Variants in SLC4A7 observed in about 807,000 individuals in gnomAD.
SLC4A7 encodes solute carrier family 4 member 7, also known as sodium bicarbonate cotransporter 3.
In SLC4A7, 51 loss-of-function variants were observed where a neutral mutation model predicts 137.6. That is an observed-to-expected ratio of 0.37 (90% CI 0.30 to 0.47). The LOEUF is 0.47. SLC4A7 is among the 20% of genes least tolerant of loss of function. The pLI is 1.00. For synonymous variants in SLC4A7, 542 were observed against 518.6 expected (o/e 1.05, Z -0.61); for missense variants, 1,247 against 1,525.4 (o/e 0.82, Z 3.04).
intron 1 of SLC4A7, among the ~76,000 whole-genome samples, chr3:27,467,331 A>G (rs1212776262): frequency 6.6e-6 from 1 of 152,188 alleles, no homozygotes; most frequent in Non-Finnish European, 1.5e-5. Context: ...AACTACATAT[A>G]ATTTTACTTA....
intron 9 of SLC4A7, 66 bp downstream of exon 9, chr3:27,421,556 C>T (rs1384628538): frequency 1.2e-5 from 15 of 1,217,942 alleles, no homozygotes; most frequent in Admixed American, 6.5e-5. Flanking sequence ...CTTGTTCATT[C>T]GCTGGATTAA....
rs150594242 is a variant in SLC4A7, at chr3:27,386,957, A to G, written c.3361-934T>C. Among the ~76,000 whole-genome samples the G allele has an allele frequency of 2.6e-3, 402 of 152,306 alleles. 2 individuals are homozygous for G. Among genetic ancestry groups the G allele is most frequent in the African/African-American group, 9.4e-3 (391 of 41,578 alleles). ...GTCCAATACTAAATTCTCCCATACA[A>G]AAGAAATACTACCTTTAATGAAATA... On this transcript the variant is annotated intron_variant, in intron 22 of 25. Coordinates refer to ENST00000454389, the MANE Select transcript of SLC4A7 (RefSeq NM_001321103.2).
intron 3 of SLC4A7, among the ~76,000 whole-genome samples, chr3:27,446,877 TTTTTTTTGTTTTTTTTG>T (rs1156367736): frequency 2.2e-5 from 2 of 90,720 alleles, no homozygotes; most frequent in African/African-American, 4.0e-5. Flanking sequence ...TTTTTTTTGT[TTTTTTTTGTTTTTTTTG>T]TTTTTTTTAA....
Position 27,390,018 on chromosome 3 carries a change from G to A in SLC4A7, c.3273C>T (p.Val1091=), listed in dbSNP as rs370177639. 1.2e-6 allele frequency: 2 copies of A among 1,613,170 alleles called. No individual in the cohort carries two copies. Among genetic ancestry groups the A allele is most frequent in the Non-Finnish European group, 8.5e-7 (1 of 1,179,252 alleles). ...IYLRYVPLWK[V]HIFTVIQLTC... Reference sequence around the variant, plus strand: ...TAAGCTGAATGACTGTGAAAATATGGACCTTCCAGAGCGGCACATAACGGA... The same window carrying A: ...TAAGCTGAATGACTGTGAAAATATGAACCTTCCAGAGCGGCACATAACGGA... The change falls in exon 22 of 26, where the codon GTC becomes GTT. Residue 1091 remains valine, a synonymous_variant. Transcript: ENST00000454389.
intron 1 of SLC4A7, among the ~76,000 whole-genome samples, chr3:27,463,747 C>A (rs1440320129): frequency 6.6e-6 from 1 of 152,100 alleles, no homozygotes. Flanking sequence ...AGAGCCTGAC[C>A]CCTCCTGTTC....
chr3:27,438,070 G>A lies in SLC4A7; in HGVS notation c.290-544C>T, dbSNP rs188163511. Among the ~76,000 whole-genome samples the A allele has an allele frequency of 3.2e-3, 463 of 146,260 alleles. 5 individuals are homozygous for A. Among genetic ancestry groups the A allele is most frequent in the African/African-American group, 0.01 (398 of 39,514 alleles). Reference sequence around the variant, plus strand: ...AAATTAGCCAGGCATGGTGGTGGACGCCTGTAATCCCAAATACTCGGGAGG... The same window carrying A: ...AAATTAGCCAGGCATGGTGGTGGACACCTGTAATCCCAAATACTCGGGAGG... On this transcript the variant is annotated intron_variant, in intron 3 of 25. Transcript: ENST00000454389.
At chr3:27,408,545 G>C (rs866402780) in intron 13 of SLC4A7, among the ~76,000 whole-genome samples, 1 of 152,072 alleles carries the variant, frequency 6.6e-6, no homozygotes, top group Non-Finnish European at 1.5e-5. Context: ...TCATGCCTTA[G>C]CTTTGGTTAT....
chr3:27,445,617 T>C (rs564320255), intron 3 of SLC4A7, among the ~76,000 whole-genome samples: 4 of 151,670 alleles, frequency 2.6e-5, no homozygotes, highest in East Asian at 3.9e-4. Context: ...ATGATGACTA[T>C]AGTTAATAAT....
At position 27,404,890 on chromosome 3, in the gene SLC4A7, G is replaced by A. The variant is rs761205046; in HGVS notation, c.2015C>T (p.Thr672Ile). Reference sequence around the variant, plus strand: ...AACTGGACCTGTGCTCCCCAATATTGTTAGAGGTTGCCCAGCAAACAATGA... The same window carrying A: ...AACTGGACCTGTGCTCCCCAATATTATTAGAGGTTGCCCAGCAAACAATGA... ...AYSLFAGQPL[T>I]ILGSTGPVLV... is the part of the protein sequence containing the mutation. Residue 672 changes from threonine to isoleucine, a missense_variant, in exon 14 of 26, where the codon ACA becomes ATA. Coordinates refer to ENST00000454389, the MANE Select transcript of SLC4A7 (RefSeq NM_001321103.2). 2 of 1,610,720 alleles carry A rather than the reference G, an allele frequency of 1.2e-6. No individual in the cohort carries two copies. Among genetic ancestry groups the A allele is most frequent in the South Asian group, 2.2e-5 (2 of 90,556 alleles).
At position 27,484,073 on chromosome 3, in the gene SLC4A7, C is replaced by T. The variant is rs2059839907; in HGVS notation, c.54G>A (p.Thr18=). The stretch of plus-strand genomic sequence containing the variant: ...ACCGCCGCGGCGCCCTCACCCTGCT[C>T]GTTACCCGGGTGAGTAGCGGTCTCA... ...EQMRPLLTRV[T]SRGPDEEAVV... The change falls in exon 1 of 26, where the codon ACG becomes ACA. Residue 18 remains threonine (T), a synonymous_variant. Transcript: ENST00000454389. The T allele has an allele frequency of 3.5e-6, 5 of 1,410,090 alleles. No homozygotes were observed. The highest frequency in any genetic ancestry group is 6.3e-5 in the East Asian group (2 of 31,798). The allele number at this position is 1,410,090 out of a possible 1,614,324, so 87.3% of individuals were successfully genotyped here. A position where few individuals can be genotyped will look rare whatever the true frequency, so the allele number is the denominator to read the frequency against.
intron 3 of SLC4A7, among the ~76,000 whole-genome samples, chr3:27,443,035 T>C (rs1246093821): frequency 2.9e-5 from 4 of 140,174 alleles, no homozygotes; most frequent in Non-Finnish European, 4.6e-5. Context: ...TTTTTTTCTT[T>C]TTTTTTTTTT....
intron 7 of SLC4A7, among the ~76,000 whole-genome samples, chr3:27,426,654 G>A (rs1374334022): frequency 6.6e-6 from 1 of 152,158 alleles, no homozygotes; most frequent in African/African-American, 2.4e-5. Flanking sequence ...AAATAATGAA[G>A]AACTCAACAT....
At chr3:27,470,700 T>C (rs1048981395) in intron 1 of SLC4A7, among the ~76,000 whole-genome samples, 1 of 149,136 alleles carries the variant, frequency 6.7e-6, no homozygotes, top group Non-Finnish European at 1.5e-5. Flanking sequence ...CCCAGCACTC[T>C]GGGAGGCCGA....
At chr3:27,413,163 C>A (rs545434942) in intron 11 of SLC4A7, among the ~76,000 whole-genome samples, 1 of 151,972 alleles carries the variant, frequency 6.6e-6, no homozygotes, top group Non-Finnish European at 1.5e-5. Context: ...TAACTCCATG[C>A]AAATAAATTT....
chr3:27,431,470 G>C lies in SLC4A7; in HGVS notation c.978C>G (p.Ser326Arg). ...QNSPPSSPSI[S>R]RLTSRSSQES... ...CTTGGGAACTTCTGGAGGTCAGGCG[G>C]CTGATGCTAGGGCTAGAAGGAGGAC... Residue 326 changes from serine to arginine, a missense_variant, in exon 7 of 26, where the codon AGC becomes AGG. Ser to Arg is a moderately radical substitution (Grantham distance 110). Around this residue, in one of 6 missense-constraint regions of SLC4A7, gnomAD observed 223 missense variants for 203.6 expected, o/e 1.10. Coordinates refer to ENST00000454389, the MANE Select transcript of SLC4A7 (RefSeq NM_001321103.2). 6.2e-7 allele frequency: 1 copy of C among 1,614,122 alleles called. No individual in the cohort carries two copies. The highest frequency in any genetic ancestry group is 1.1e-5 in the South Asian group (1 of 91,062).
chr3:27,472,321 T>A (rs892614935), intron 1 of SLC4A7, among the ~76,000 whole-genome samples: 4 of 152,312 alleles, frequency 2.6e-5, no homozygotes, highest in Admixed American at 6.5e-5. Flanking sequence ...GTTTCCGCAA[T>A]GCACGCCTGT....
intron 1 of SLC4A7, among the ~76,000 whole-genome samples, chr3:27,473,180 T>C (rs2059324931): frequency 6.6e-6 from 1 of 151,964 alleles, no homozygotes; most frequent in African/African-American, 2.4e-5. Flanking sequence ...GCACCATTAG[T>C]CTCAGCTACT....
intron 8 of SLC4A7, among the ~76,000 whole-genome samples, chr3:27,422,055 C>G (rs1310722943): frequency 6.6e-6 from 1 of 152,152 alleles, no homozygotes; most frequent in African/African-American, 2.4e-5. Flanking sequence ...CTGCACTATT[C>G]ATTAAAAACT....
chr3:27,426,152 T>C (rs185339482), intron 7 of SLC4A7, among the ~76,000 whole-genome samples: 8 of 152,366 alleles, frequency 5.3e-5, no homozygotes, highest in African/African-American at 1.9e-4. Flanking sequence ...TCATCGTCAC[T>C]TCTCTGTAAA....
Sources: gnomAD v4.1 joint callset for allele counts (sites outside exome capture counted in the v4.1 genomes callset) on GRCh38, gnomAD v4.1.1 for gene constraint, gnomAD v4.1.1 regional missense constraint, MANE v1.5 for transcripts, NCBI Gene and HGNC (gene_info 2026-07-23, HGNC 2026-07-21) for gene names.